Variants in RIPPLY2 observed in about 807,000 individuals in gnomAD.
RIPPLY2 encodes protein ripply2.
RIPPLY2 carries 20 observed loss-of-function variants against 17.7 expected under a neutral mutation model. That is an observed-to-expected ratio of 1.13 (90% CI 0.79 to 1.64). The LOEUF (loss-of-function observed/expected upper bound fraction) is 1.64. RIPPLY2 is among the 40% of genes most tolerant of loss of function. The pLI is 0.00. For synonymous variants in RIPPLY2, 69 were observed against 63.9 expected, an observed-to-expected ratio of 1.08 and a Z score of -0.38; for missense variants, 213 against 169.8, an observed-to-expected ratio of 1.25 and a Z score of -1.41.
At position 83,853,468 on chromosome 6, in the gene RIPPLY2, G is replaced by A. The variant is rs2129124408; in HGVS notation, c.52G>A (p.Ala18Thr). 6.5e-7 allele frequency: 1 copy of A among 1,541,820 alleles called. No homozygotes were observed. Among genetic ancestry groups the A allele is most frequent in the Non-Finnish European group, 8.7e-7 (1 of 1,145,976 alleles). The change falls in exon 1 of 4, where the codon GCG (alanine) becomes ACG (threonine). Residue 18 changes from alanine to threonine, a missense_variant. By Grantham distance (58) the Ala-to-Thr change is moderately conservative (BLOSUM62 0). Coordinates refer to ENST00000369689, the MANE Select transcript of RIPPLY2 (RefSeq NM_001009994.3). ...TACAGAGAGTGGAGCTGCGGCGTGCGCGGCCACCGACGGCCCTACGCGGCG... is the reference window on the plus strand; with the variant it reads ...TACAGAGAGTGGAGCTGCGGCGTGCACGGCCACCGACGGCCCTACGCGGCG... Reference protein sequence around the residue: ...EGTESGAAACAATDGPTRRAG... With the variant: ...EGTESGAAACTATDGPTRRAG...
chr6:83,853,863 C>G (rs2099454585), intron 2 of RIPPLY2, 90 bp downstream of exon 2: 4 of 1,217,414 alleles, frequency 3.3e-6, no homozygotes, highest in Non-Finnish European at 3.5e-6. Context: ...GAGAGACATG[C>G]GAGACACCGG....
Position 83,853,523 on chromosome 6 carries a change from C to G in RIPPLY2, c.95+12C>G, listed in dbSNP as rs769286469. 44 of 1,536,798 alleles carry G rather than the reference C, an allele frequency of 2.9e-5. No homozygotes were observed. The highest frequency in any genetic ancestry group is 3.6e-5 in the Non-Finnish European group (41 of 1,145,168). On this transcript the variant is annotated intron_variant, in intron 1 of 3. Transcript: ENST00000369689. Reference sequence around the variant, plus strand: ...GGCGCGGACTCCGGGTAGGCTTCCCCGCGCTGCTCTGCGCCTCCCAGCTTC... The same window carrying G: ...GGCGCGGACTCCGGGTAGGCTTCCCGGCGCTGCTCTGCGCCTCCCAGCTTC...
intron 1 of RIPPLY2, 71 bp from the exon 2 acceptor site, chr6:83,853,624 C>G (rs370111313): frequency 6.4e-7 from 1 of 1,566,314 alleles, no homozygotes; most frequent in Non-Finnish European, 8.6e-7. Context: ...TGCCAGCGCT[C>G]GGCTTCGGTG....
upstream of RIPPLY2, chr6:83,853,278 G>A (rs1002592659): frequency 1.2e-5 from 8 of 644,326 alleles, no homozygotes; most frequent in African/African-American, 1.6e-4. Context: ...GGCTAGCAGG[G>A]AGAGGGGCGG....
intron 2 of RIPPLY2, 100 bp downstream of exon 2, chr6:83,853,873 G>T: frequency 1.7e-6 from 2 of 1,149,112 alleles, no homozygotes; most frequent in Non-Finnish European, 2.5e-6. Flanking sequence ...CGAGACACCG[G>T]GTCCTGCCTC....
In RIPPLY2 at chr6:83,853,785, ACGC is replaced by A. The variant is rs751650513; in HGVS notation, c.174+13_174+15del. ...ACGCCGCGGAGGCGGTGAGTGAGCC[ACGC>A]GTCTCAGGCCGCGCCTCCCACGGGT... On this transcript the variant is annotated intron_variant, in intron 2 of 3. Coordinates refer to ENST00000369689, the MANE Select transcript of RIPPLY2 (RefSeq NM_001009994.3). 1 of 1,608,612 alleles carries A rather than the reference ACGC, an allele frequency of 6.2e-7. No homozygotes were observed. The highest frequency in any genetic ancestry group is 8.5e-7 in the Non-Finnish European group (1 of 1,177,318).
At chr6:83,854,289 A>G in intron 3 of RIPPLY2, 128 bp downstream of exon 3, 1 of 763,420 alleles carries the variant, frequency 1.3e-6, no homozygotes, top group Non-Finnish European at 2.3e-6. Flanking sequence ...TCTGGCTTCA[A>G]GGTTACTTAT....
chr6:83,853,541 C>G (rs1007110675), intron 1 of RIPPLY2, 30 bp downstream of exon 1: 2 of 1,535,870 alleles, frequency 1.3e-6, no homozygotes, highest in African/African-American at 2.8e-5. Flanking sequence ...TCTGCGCCTC[C>G]CAGCTTCCCC....
At chr6:83,853,954 G>A in intron 2 of RIPPLY2, 143 bp from the exon 3 acceptor site, 1 of 1,019,592 alleles carries the variant, frequency 9.8e-7, no homozygotes, top group Non-Finnish European at 1.5e-6. Context: ...GGAGCGATGG[G>A]CCACAGGCAC....
At chr6:83,853,358 G>T, upstream of RIPPLY2, 1 of 1,430,016 alleles carries the variant, frequency 7.0e-7, no homozygotes. Flanking sequence ...CGGACCTACT[G>T]GAACTGGTCA....
At chr6:83,853,922 C>G (rs1419606744) in intron 2 of RIPPLY2, 149 bp downstream of exon 2, 72 of 986,304 alleles carry the variant, frequency 7.3e-5, no homozygotes, top group Admixed American at 3.3e-4. Context: ...ATAAAGGTGC[C>G]GACGCGGCGG....
rs2099454524 is a variant in RIPPLY2 at position 83,853,511 on chromosome 6, G to A, written c.95G>A (p.Gly32Glu). ...GPTRRAGADS[G>E]YAGFWRPWVD... is the part of the protein sequence containing the mutation. ...ACGCGGCGCGCGGGCGCGGACTCCG[G>A]GTAGGCTTCCCCGCGCTGCTCTGCG... The change falls in exon 1 of 4, where the codon GGA (glycine) becomes GAA (glutamate). Residue 32 changes from glycine to glutamate, a missense_variant and splice_region_variant. Transcript: ENST00000369689. 5 of 1,538,468 alleles carry A rather than the reference G, an allele frequency of 3.2e-6. No homozygotes were observed. In the East Asian group the frequency reaches 1.2e-4, roughly 38 times the overall value.
chr6:83,854,029 G>C (rs2099454616), intron 2 of RIPPLY2, 68 bp from the exon 3 acceptor site: 1 of 1,423,572 alleles, frequency 7.0e-7, no homozygotes, highest in African/African-American at 1.4e-5. Flanking sequence ...AGGAACACTG[G>C]GTCGTGCACG....
chr6:83,857,205 A>G (rs2099455116), intron 3 of RIPPLY2, 37 bp from the exon 4 acceptor site: 1 of 1,401,798 alleles, frequency 7.1e-7, no homozygotes, highest in East Asian at 2.7e-5. Context: ...AAGATCCTGA[A>G]TGTGAAAAAA....
chr6:83,854,053 GA>G (rs1466827256), intron 2 of RIPPLY2, 43 bp from the exon 3 acceptor site: 1 of 1,553,370 alleles, frequency 6.4e-7, no homozygotes. Flanking sequence ...CCACTTTCTA[GA>G]AGGAGGTGGG....
At chr6:83,856,266 A>T (rs1183117747) in intron 3 of RIPPLY2, 1 of 152,222 alleles carries the variant, frequency 6.6e-6, no homozygotes, top group Non-Finnish European at 1.5e-5. Flanking sequence ...AGCATCAAAA[A>T]TATAAACTTT....
In RIPPLY2 at chr6:83,853,784, C is replaced by T. The variant is rs1475342738; in HGVS notation, c.174+11C>T. The T allele has an allele frequency of 6.2e-7, 1 of 1,608,472 alleles. No individual in the cohort carries two copies. The highest frequency in any genetic ancestry group is 8.5e-7 in the Non-Finnish European group (1 of 1,177,130). On this transcript the variant is annotated intron_variant, in intron 2 of 3. Coordinates refer to ENST00000369689, the MANE Select transcript of RIPPLY2 (RefSeq NM_001009994.3). ...CACGCCGCGGAGGCGGTGAGTGAGCCACGCGTCTCAGGCCGCGCCTCCCAC... is the reference window on the plus strand; with the variant it reads ...CACGCCGCGGAGGCGGTGAGTGAGCTACGCGTCTCAGGCCGCGCCTCCCAC...
chr6:83,853,815 CAGA>C (rs1302286282), intron 2 of RIPPLY2, 42 bp downstream of exon 2: 6 of 1,553,982 alleles, frequency 3.9e-6, no homozygotes, highest in African/African-American at 1.4e-5. Flanking sequence ...CCCACGGGTG[CAGA>C]AGATCGACCA....
chr6:83,854,372 T>C (rs1369018234), intron 3 of RIPPLY2: 4 of 587,594 alleles, frequency 6.8e-6, no homozygotes, highest in Non-Finnish European at 1.2e-5. Flanking sequence ...GAATACATAC[T>C]CAGTGAACTT....
Sources: gnomAD v4.1 joint callset for allele counts on GRCh38, gnomAD v4.1.1 for gene constraint, MANE v1.5 for transcripts, NCBI Gene and HGNC (gene_info 2026-07-23, HGNC 2026-07-21) for gene names.